The following KCNA2 variants were observed in gnomAD, a reference collection of about 807,000 sequenced individuals.
KCNA2 encodes the protein potassium channel, voltage gated shaker related subfamily A, member 2.
In KCNA2, 11 loss-of-function variants were observed where a neutral mutation model predicts 33.4. The observed-to-expected ratio is 0.33, with a 90% confidence interval of 0.21 to 0.55. The LOEUF is 0.55. Ranked by LOEUF, KCNA2 falls within the 20% of genes least tolerant of loss-of-function variation. The pLI is 0.93. For synonymous variants in KCNA2, 222 were observed against 231.3 expected (o/e 0.96, Z 0.37); for missense variants, 291 against 621.6 (o/e 0.47, Z 5.66).
At position 110,601,405 on chromosome 1, in the gene KCNA2, G is replaced by A. The variant is rs12095773; in HGVS notation, c.*1878C>T. ...TTAGCGAAAGGTTTGTGAAAGTGACGGATGCAGAGCCAAATGATAATAAGA... is the reference window on the plus strand; with the variant it reads ...TTAGCGAAAGGTTTGTGAAAGTGACAGATGCAGAGCCAAATGATAATAAGA... On this transcript the variant is annotated 3_prime_UTR_variant, in exon 3 of 3. Coordinates refer to ENST00000316361, the MANE Select transcript of KCNA2 (RefSeq NM_004974.4). The A allele has an allele frequency of 0.079, 77,619 of 985,174 alleles. 5,010 individuals carry two copies. Among genetic ancestry groups the A allele is most frequent in the East Asian group, 0.36 (3,202 of 8,794 alleles). The allele number at this position is 985,174 out of a possible 1,614,324, so 61.0% of individuals were successfully genotyped here.
In KCNA2 at chr1:110,601,788, A is replaced by ATGTGTGTGTG. The variant is rs774362380; in HGVS notation, c.*1494_*1495insCACACACACA. 655 of 1,179,848 alleles carry ATGTGTGTGTG rather than the reference A, an allele frequency of 5.6e-4. No individual in the cohort carries two copies. Among genetic ancestry groups the ATGTGTGTGTG allele is most frequent in the Admixed American group, 1.6e-3 (36 of 22,642 alleles). The allele number at this position is 1,179,848 out of a possible 1,614,324, so 73.1% of individuals were successfully genotyped here. On this transcript the variant is annotated 3_prime_UTR_variant, in exon 3 of 3. Transcript: ENST00000316361. ...AACTCCAGAAAATGAATATATATATATATATATGTGTGTGTGTGTGTGTGT... is the reference window on the plus strand; with the variant it reads ...AACTCCAGAAAATGAATATATATATATGTGTGTGTGTATATATGTGTGTGTGTGTGTGTGT...
Position 110,602,217 on chromosome 1 carries a change from A to C in KCNA2, c.*1066T>G, listed in dbSNP as rs1406479272. On this transcript the variant is annotated 3_prime_UTR_variant, in exon 3 of 3. Coordinates refer to ENST00000316361, the MANE Select transcript of KCNA2 (RefSeq NM_004974.4). ...GGTAGGCTGGGGGGCCAGAAGTTTT[A>C]GTTCCATTCCAAATAGTCTATTTTT... The C allele has an allele frequency of 6.5e-7, 1 of 1,546,998 alleles. No homozygotes were observed. The highest frequency in any genetic ancestry group is 8.7e-7 in the Non-Finnish European group (1 of 1,145,844).
At position 110,600,057 on chromosome 1, in the gene KCNA2, G is replaced by A; in HGVS notation, c.*3226C>T. 1.0e-6 allele frequency: 1 copy of A among 984,206 alleles called. No individual in the cohort carries two copies. The highest frequency in any genetic ancestry group is 1.2e-6 in the Non-Finnish European group (1 of 829,896). 61.0% of individuals were successfully genotyped at this position (984,206 alleles called of 1,614,324 possible). ...AGTGAAATCTGGTAGTGAGAGAAAA[G>A]AATAGAGAAAGAGATTCCTTGAAAG... is the stretch of plus-strand genomic sequence containing the variant. On this transcript the variant is annotated 3_prime_UTR_variant, in exon 3 of 3. Transcript: ENST00000316361.
rs1160749819 is a variant in KCNA2 at position 110,599,810 on chromosome 1, T to C, written c.*3473A>G. The stretch of plus-strand genomic sequence containing the variant: ...GCTGGGAGAAGGGGAGCCTGGGCTA[T>C]TGGGTTGTCTGTGCGGATTTGCTGG... On this transcript the variant is annotated 3_prime_UTR_variant, in exon 3 of 3. Transcript: ENST00000316361. 2 of 985,384 alleles carry C rather than the reference T, an allele frequency of 2.0e-6. No individual in the cohort carries two copies. Among genetic ancestry groups the C allele is most frequent in the African/African-American group, 3.5e-5 (2 of 57,190 alleles). The allele number at this position is 985,384 out of a possible 1,614,324, so 61.0% of individuals were successfully genotyped here.
chr1:110,604,837 G>A lies in KCNA2; in HGVS notation c.-55C>T. The stretch of plus-strand genomic sequence containing the variant: ...ATGCCTTTCAGCTGCCTGGTGGCAG[G>A]GAGCTCAGGGTGCTGCTACTGGCCC... On this transcript the variant is annotated 5_prime_UTR_variant, in exon 3 of 3. Coordinates refer to ENST00000316361, the MANE Select transcript of KCNA2 (RefSeq NM_004974.4). The surrounding 1 kb of genome is among the most constrained non-coding windows in gnomAD (Gnocchi z 7.6). 1 of 1,514,460 alleles carries A rather than the reference G, an allele frequency of 6.6e-7. No individual in the cohort carries two copies. The highest frequency in any genetic ancestry group is 9.0e-7 in the Non-Finnish European group (1 of 1,115,322). The allele number at this position is 1,514,460 out of a possible 1,614,324, so 93.8% of individuals were successfully genotyped here. A position where few individuals can be genotyped will look rare whatever the true frequency, so the allele number is the denominator to read the frequency against.
intron 1 of KCNA2, among the ~76,000 whole-genome samples, chr1:110,625,351 A>G (rs942905405): frequency 4.6e-5 from 7 of 152,234 alleles, no homozygotes; most frequent in Non-Finnish European, 8.8e-5. Flanking sequence ...ATAAATTTGT[A>G]TACATAAAGG....
chr1:110,599,996 A>G lies in KCNA2; in HGVS notation c.*3287T>C. On this transcript the variant is annotated 3_prime_UTR_variant, in exon 3 of 3. Transcript: ENST00000316361. Reference sequence around the variant, plus strand: ...AGATATCTGCTTGATGTGGTGGCCCATCCTCCTGCTTGAAACCTAGGAGTT... The same window carrying G: ...AGATATCTGCTTGATGTGGTGGCCCGTCCTCCTGCTTGAAACCTAGGAGTT... 1 of 985,280 alleles carries G rather than the reference A, an allele frequency of 1.0e-6. No homozygotes were observed. The highest frequency in any genetic ancestry group is 1.2e-6 in the Non-Finnish European group (1 of 829,906). 61.0% of individuals were successfully genotyped at this position (985,280 alleles called of 1,614,324 possible). A position where few individuals can be genotyped will look rare whatever the true frequency, so the allele number is the denominator to read the frequency against.
At chr1:110,615,820 G>A (rs1392245789) in intron 1 of KCNA2, among the ~76,000 whole-genome samples, 1 of 152,208 alleles carries the variant, frequency 6.6e-6, no homozygotes. Context: ...AGGAGGGACA[G>A]AGGGTCGGGG....
chr1:110,630,969 A>G (rs533067868), intron 1 of KCNA2, among the ~76,000 whole-genome samples: 11 of 152,282 alleles, frequency 7.2e-5, no homozygotes, highest in African/African-American at 2.6e-4. Context: ...CCACGGATGG[A>G]CAACGCCCCG....
intron 1 of KCNA2, among the ~76,000 whole-genome samples, chr1:110,616,356 C>G (rs1466702268): frequency 6.6e-6 from 1 of 152,182 alleles, no homozygotes; most frequent in Non-Finnish European, 1.5e-5. Context: ...GTCAGGTCAG[C>G]TCTGTGGGAC....
chr1:110,623,922 C>CAAA (rs756859389), intron 1 of KCNA2, among the ~76,000 whole-genome samples: 74 of 125,584 alleles, frequency 5.9e-4, no homozygotes, highest in African/African-American at 1.9e-3. Flanking sequence ...ACAGTGAAGC[C>CAAA]AAAAAAAAAA....
chr1:110,594,721 G>A lies in KCNA2; in HGVS notation c.*8562C>T. The stretch of plus-strand genomic sequence containing the variant: ...CCACGTGAAGGCAGAACTGGGGCAA[G>A]CACAGAGCATGTTCAAACCCTCAGG... On this transcript the variant is annotated 3_prime_UTR_variant, in exon 3 of 3. Coordinates refer to ENST00000316361, the MANE Select transcript of KCNA2 (RefSeq NM_004974.4). 1.0e-6 allele frequency: 1 copy of A among 985,366 alleles called. No individual in the cohort carries two copies. The highest frequency in any genetic ancestry group is 1.2e-6 in the Non-Finnish European group (1 of 829,952). The allele number at this position is 985,366 out of a possible 1,614,324, so 61.0% of individuals were successfully genotyped here.
chr1:110,609,349 CA>C (rs1225212294), upstream of KCNA2, among the ~76,000 whole-genome samples: 2 of 152,200 alleles, frequency 1.3e-5, no homozygotes, highest in African/African-American at 4.8e-5. Context: ...TACCATGTGT[CA>C]GACCCTGTGC....
chr1:110,595,268 A>G lies in KCNA2; in HGVS notation c.*8015T>C, dbSNP rs912601152. The G allele has an allele frequency of 5.1e-6, 5 of 985,352 alleles. No individual in the cohort carries two copies. The African/African-American group carries it at 8.7e-5, about 17-fold the overall frequency. 61.0% of individuals were successfully genotyped at this position (985,352 alleles called of 1,614,324 possible). ...GCTGCAAACTCATCTGGAACATATTAGACTATTTTAGGAGTGCAGAGGAGC... is the reference window on the plus strand; with the variant it reads ...GCTGCAAACTCATCTGGAACATATTGGACTATTTTAGGAGTGCAGAGGAGC... On this transcript the variant is annotated 3_prime_UTR_variant, in exon 3 of 3. Coordinates refer to ENST00000316361, the MANE Select transcript of KCNA2 (RefSeq NM_004974.4).
chr1:110,602,082 A>G lies in KCNA2; in HGVS notation c.*1201T>C. ...GGTCCACTGTACAGTCATGCCCGCGACTAGGTTAATTCCTAAGGTGCAGTC... is the reference window on the plus strand; with the variant it reads ...GGTCCACTGTACAGTCATGCCCGCGGCTAGGTTAATTCCTAAGGTGCAGTC... On this transcript the variant is annotated 3_prime_UTR_variant, in exon 3 of 3. Transcript: ENST00000316361. 1 of 1,550,524 alleles carries G rather than the reference A, an allele frequency of 6.4e-7. No homozygotes were observed. Among genetic ancestry groups the G allele is most frequent in the Non-Finnish European group, 8.7e-7 (1 of 1,146,988 alleles).
chr1:110,629,361 A>C (rs1650486882), intron 1 of KCNA2, among the ~76,000 whole-genome samples: 1 of 152,192 alleles, frequency 6.6e-6, no homozygotes, highest in Non-Finnish European at 1.5e-5. Flanking sequence ...TTATTATAGA[A>C]ATTGAATAAG....
intron 1 of KCNA2, among the ~76,000 whole-genome samples, chr1:110,625,850 C>G (rs1225497934): frequency 6.6e-6 from 1 of 152,166 alleles, no homozygotes; most frequent in Non-Finnish European, 1.5e-5. Flanking sequence ...AAGATACACT[C>G]CTTCATTCAT....
Position 110,593,983 on chromosome 1 carries a change from T to C in KCNA2, c.*9300A>G. ...AAATGACTCCCAACTCCCATGAGTCTTCCCCGCAAGTCCTGCTCCGCCTTC... is the reference window on the plus strand; with the variant it reads ...AAATGACTCCCAACTCCCATGAGTCCTCCCCGCAAGTCCTGCTCCGCCTTC... On this transcript the variant is annotated 3_prime_UTR_variant, in exon 3 of 3. Transcript: ENST00000316361. 1 of 1,548,316 alleles carries C rather than the reference T, an allele frequency of 6.5e-7. No homozygotes were observed. The highest frequency in any genetic ancestry group is 8.7e-7 in the Non-Finnish European group (1 of 1,145,968).
intron 1 of KCNA2, among the ~76,000 whole-genome samples, chr1:110,615,083 G>A (rs1335969861): frequency 6.6e-6 from 1 of 152,188 alleles, no homozygotes; most frequent in Non-Finnish European, 1.5e-5. Context: ...TGACTCTGAG[G>A]CCTTGCAGAA....
Sources: allele counts gnomAD v4.1 joint callset (sites outside exome capture counted in the v4.1 genomes callset), GRCh38; gene constraint gnomAD v4.1.1; non-coding constraint Gnocchi (gnomAD v3.1); transcripts MANE v1.5; gene names NCBI Gene and HGNC (gene_info 2026-07-23, HGNC 2026-07-21).